Variants in TENT4B observed in about 807,000 individuals in gnomAD.
TENT4B encodes PAP associated domain containing 5.
TENT4B carries 10 observed loss-of-function variants against 75.0 expected under a neutral mutation model. The observed-to-expected ratio is 0.13, with a 90% CI of 0.08 to 0.23. The LOEUF (loss-of-function observed/expected upper bound fraction) is 0.23, where lower values mean the gene tolerates loss of function less well. Among genes scored for constraint, TENT4B ranks in the 10% least tolerant of loss-of-function variants. The pLI is 1.00. For synonymous variants in TENT4B, 350 were observed against 357.7 expected (o/e 0.98, Z 0.24); for missense variants, 579 against 893.8 (o/e 0.65, Z 4.49).
In TENT4B at chr16:50,184,177, A is replaced by G. The variant is rs968805298; in HGVS notation, c.639-27146A>G. Among the ~76,000 whole-genome samples the G allele has an allele frequency of 2.6e-5, 4 of 152,204 alleles. No individual in the cohort carries two copies. In the East Asian group the frequency reaches 7.7e-4, roughly 29 times the overall value. ...CAGTAGTATAATACATTAATTTTGG[A>G]AGGCCAAAATTAATGGCTTTTGATG... On this transcript the variant is annotated intron_variant, in intron 1 of 11. Coordinates refer to ENST00000561678, the MANE Select transcript of TENT4B (RefSeq NM_001365324.3).
At chr16:50,189,450 T>C (rs1400467179) in intron 1 of TENT4B, among the ~76,000 whole-genome samples, 1 of 152,186 alleles carries the variant, frequency 6.6e-6, no homozygotes, top group African/African-American at 2.4e-5. Context: ...TTTTTCCTAA[T>C]GTTTTTTGAG....
chr16:50,208,271 T>C (rs1022565671), intron 1 of TENT4B, among the ~76,000 whole-genome samples: 9 of 152,238 alleles, frequency 5.9e-5, no homozygotes, highest in Non-Finnish European at 2.9e-5. Context: ...CCATGGGCTA[T>C]TGATTGTTGA....
chr16:50,165,987 G>A (rs975579524), intron 1 of TENT4B, among the ~76,000 whole-genome samples: 18 of 151,928 alleles, frequency 1.2e-4, no homozygotes, highest in African/African-American at 4.1e-4. Flanking sequence ...AACATTTTGA[G>A]GAACTGCCAA....
At position 50,158,233 on chromosome 16, in the gene TENT4B, C is replaced by T. The variant is rs554345026; in HGVS notation, c.638+3974C>T. ...TCCCGAGTAACTGGGATTACAGGCG[C>T]CCGCCACCATGCCCAGGTAATTTTT... On this transcript the variant is annotated intron_variant, in intron 1 of 11. Coordinates refer to ENST00000561678, the MANE Select transcript of TENT4B (RefSeq NM_001365324.3). Among the ~76,000 whole-genome samples, 5 of 152,130 alleles carry T rather than the reference C, an allele frequency of 3.3e-5. No homozygotes were observed. In the South Asian group the frequency reaches 8.3e-4, roughly 25 times the overall value.
chr16:50,218,856 G>A (rs151108979), intron 5 of TENT4B, among the ~76,000 whole-genome samples: 1 of 152,206 alleles, frequency 6.6e-6, no homozygotes, highest in East Asian at 1.9e-4. Flanking sequence ...ACATACTTAG[G>A]TAGTTGTCAG....
At chr16:50,155,576 A>G (rs1468314369) in intron 1 of TENT4B, among the ~76,000 whole-genome samples, 2 of 151,922 alleles carry the variant, frequency 1.3e-5, no homozygotes, top group Non-Finnish European at 2.9e-5. Context: ...TACAACTCCT[A>G]CCTTTTGTGG....
intron 1 of TENT4B, among the ~76,000 whole-genome samples, chr16:50,163,880 G>C (rs1342500878): frequency 6.6e-6 from 1 of 151,652 alleles, no homozygotes. Flanking sequence ...GGGTCTCGCC[G>C]GGTGCGATGG....
At chr16:50,164,305 TG>T (rs1382962172) in intron 1 of TENT4B, among the ~76,000 whole-genome samples, 1 of 83,964 alleles carries the variant, frequency 1.2e-5, no homozygotes, top group Admixed American at 1.2e-4. Flanking sequence ...TGTTTGTTGT[TG>T]TTCTTTTGTT....
Position 50,225,029 on chromosome 16 carries a change from T to G in TENT4B, c.1612+35T>G, listed in dbSNP as rs771450189. ...TTTCCTTGGTCGATTGACTGAGTAT[T>G]AGAGGCTTTTCTGTGTTGTGTGCGT... On this transcript the variant is annotated intron_variant, in intron 9 of 11. Transcript: ENST00000561678. The G allele has an allele frequency of 4.3e-6, 7 of 1,609,430 alleles. No individual in the cohort carries two copies. In the Admixed American group the frequency reaches 1.2e-4, roughly 27 times the overall value.
At chr16:50,165,196 TTTTTC>T (rs1361612981) in intron 1 of TENT4B, among the ~76,000 whole-genome samples, 1 of 152,118 alleles carries the variant, frequency 6.6e-6, no homozygotes, top group African/African-American at 2.4e-5. Context: ...TTATTTATTT[TTTTTC>T]TTTTGTCTTT....
intron 1 of TENT4B, among the ~76,000 whole-genome samples, chr16:50,201,530 C>T (rs942901137): frequency 2.7e-5 from 4 of 148,270 alleles, no homozygotes; most frequent in East Asian, 4.1e-4. Context: ...GAGCAAGACT[C>T]TGTCTCAAGA....
chr16:50,198,064 C>G (rs551494801), intron 1 of TENT4B, among the ~76,000 whole-genome samples: 1 of 149,080 alleles, frequency 6.7e-6, no homozygotes, highest in East Asian at 2.0e-4. Flanking sequence ...GCCTGCTTGG[C>G]TACAAAATAA....
intron 1 of TENT4B, among the ~76,000 whole-genome samples, chr16:50,165,472 G>A (rs1039448835): frequency 2.2e-5 from 3 of 138,714 alleles, no homozygotes; most frequent in Non-Finnish European, 3.2e-5. Context: ...CCCTTTTAAA[G>A]TGTACAGTTC....
At chr16:50,206,264 A>G (rs1315993946) in intron 1 of TENT4B, among the ~76,000 whole-genome samples, 1 of 151,558 alleles carries the variant, frequency 6.6e-6, no homozygotes, top group Non-Finnish European at 1.5e-5. Flanking sequence ...GTAGTAATTT[A>G]TACTTCCCCA....
chr16:50,206,909 G>T lies in TENT4B; in HGVS notation c.639-4414G>T, dbSNP rs1007511302. 1.1e-3 allele frequency among the ~76,000 whole-genome samples: 160 copies of T among 146,680 alleles called. 2 individuals carry two copies. Among genetic ancestry groups the T allele is most frequent in the East Asian group, 4.8e-3 (24 of 5,032 alleles). ...AGATCTTTCCTCAGAACAGAAGTTT[G>T]TTTTTTTTTTTTAACCTAAATTACC... On this transcript the variant is annotated intron_variant, in intron 1 of 11. Transcript: ENST00000561678.
rs1408016446 is a variant in TENT4B, at chr16:50,232,855, G to T, written c.*3527G>T. 2.0e-6 allele frequency: 2 copies of T among 985,142 alleles called. No homozygotes were observed. The highest frequency in any genetic ancestry group is 3.5e-5 in the African/African-American group (2 of 57,216). The allele number at this position is 985,142 out of a possible 1,614,324, so 61.0% of individuals were successfully genotyped here. A position where few individuals can be genotyped will look rare whatever the true frequency, so the allele number is the denominator to read the frequency against. ...TGAATTCTAATATGTTGATTTCTCA[G>T]TGTTTCTGTCACTAACCAAGAATGT... is the stretch of plus-strand genomic sequence containing the variant. On this transcript the variant is annotated 3_prime_UTR_variant, in exon 12 of 12. Transcript: ENST00000561678.
rs202038001 is a variant in TENT4B, at chr16:50,230,278, T to TC, written c.*956dup. 783 of 973,910 alleles carry TC rather than the reference T, an allele frequency of 8.0e-4. 39 individuals are homozygous for TC. The Admixed American group carries it at 0.051, about 63-fold the overall frequency. 60.3% of individuals were successfully genotyped at this position (973,910 alleles called of 1,614,324 possible). ...TGCTTCCTTTGCAGTCTTTTTTTTT[T>TC]CCCCCCATTTCTTCCTAATAGGAAA... On this transcript the variant is annotated 3_prime_UTR_variant, in exon 12 of 12. Coordinates refer to ENST00000561678, the MANE Select transcript of TENT4B (RefSeq NM_001365324.3).
chr16:50,153,201 C>A (rs1190961434), upstream of TENT4B, among the ~76,000 whole-genome samples: 7 of 39,018 alleles, frequency 1.8e-4, 1 homozygote, highest in South Asian at 6.0e-3. Context: ...GGGGGCGGAG[C>A]GAGAGGGGCG....
intron 5 of TENT4B, among the ~76,000 whole-genome samples, chr16:50,219,709 T>C (rs1388109952): frequency 7.0e-6 from 1 of 142,502 alleles, no homozygotes; most frequent in Non-Finnish European, 1.5e-5. Context: ...CCTCTTCCTC[T>C]ATCCCTCCCT....
Sources: gnomAD v4.1 joint callset for allele counts (sites outside exome capture counted in the v4.1 genomes callset) on GRCh38, gnomAD v4.1.1 for gene constraint, MANE v1.5 for transcripts, NCBI Gene and HGNC (gene_info 2026-07-23, HGNC 2026-07-21) for gene names.